Variants in NR4A3 observed in about 807,000 individuals in gnomAD.
NR4A3 encodes chondrosarcoma, extraskeletal myxoid, fused to EWS.
In NR4A3, 13 loss-of-function variants were observed where a neutral mutation model predicts 55.6. That is an observed-to-expected ratio of 0.23 (90% CI 0.15 to 0.37). The LOEUF (loss-of-function observed/expected upper bound fraction) is 0.37, where lower values mean the gene tolerates loss of function less well. Ranked by LOEUF, NR4A3 falls within the 10% of genes least tolerant of loss-of-function variation. NR4A3 has a pLI of 1.00. For missense variants in NR4A3, 646 were observed against 822.8 expected (o/e 0.79, Z 2.63); for synonymous variants, 342 against 357.9 (o/e 0.96, Z 0.50).
At chr9:99,841,176 A>G (rs180810243) in intron 5 of NR4A3, among the ~76,000 whole-genome samples, 3 of 150,762 alleles carry the variant, frequency 2.0e-5, no homozygotes, top group Admixed American at 6.6e-5. Context: ...GGTTGCAGTG[A>G]GCCAAAATCA....
At chr9:99,849,409 C>G (rs1328687119) in intron 7 of NR4A3, among the ~76,000 whole-genome samples, 1 of 151,436 alleles carries the variant, frequency 6.6e-6, no homozygotes, top group African/African-American at 2.4e-5. Flanking sequence ...ATTAACGAAA[C>G]AAAAACCAAG....
Position 99,862,977 on chromosome 9 carries a change from G to T in NR4A3, c.1634-643G>T, listed in dbSNP as rs536424567. 3.3e-5 allele frequency among the ~76,000 whole-genome samples: 5 copies of T among 151,696 alleles called. No individual in the cohort carries two copies. In the South Asian group the frequency reaches 6.2e-4, roughly 19 times the overall value. On this transcript the variant is annotated intron_variant, in intron 7 of 7. Coordinates refer to ENST00000395097, the MANE Select transcript of NR4A3 (RefSeq NM_006981.4). ...GTGTAGGTCAACAGGGGTTTCAAGT[G>T]GGGGGGAACAAAACAAGGAAAAGAA...
At chr9:99,834,076 C>T in intron 5 of NR4A3, 1 of 1,020,386 alleles carries the variant, frequency 9.8e-7, no homozygotes, top group Non-Finnish European at 1.2e-6. Flanking sequence ...TTCTGAACAC[C>T]AGTCACACAA....
At position 99,833,515 on chromosome 9, in the gene NR4A3, G is replaced by A. The variant is rs1227172402; in HGVS notation, c.1254+61G>A. 3 of 1,613,670 alleles carry A rather than the reference G, an allele frequency of 1.9e-6. No homozygotes were observed. The African/African-American group carries it at 4.0e-5, about 22-fold the overall frequency. On this transcript the variant is annotated intron_variant, in intron 5 of 7. Transcript: ENST00000395097. ...TCAGGGTCTCTATTTATGGCTACTA[G>A]TAATAAGAGTTGATTGAATGATTTT...
intron 3 of NR4A3, among the ~76,000 whole-genome samples, chr9:99,830,980 A>G (rs964296948): frequency 1.7e-4 from 26 of 152,138 alleles, no homozygotes; most frequent in African/African-American, 5.8e-4. Context: ...TGGGGGCAAG[A>G]TGGGGGAGAA....
intron 5 of NR4A3, among the ~76,000 whole-genome samples, chr9:99,843,785 A>T (rs1157901501): frequency 1.3e-5 from 2 of 149,006 alleles, no homozygotes. Context: ...ACAGAGTGCC[A>T]CTCTGGCACC....
At chr9:99,823,862 C>G (rs1390712480) in intron 1 of NR4A3, among the ~76,000 whole-genome samples, 1 of 151,672 alleles carries the variant, frequency 6.6e-6, no homozygotes, top group Non-Finnish European at 1.5e-5. Context: ...CTGTCAGTCT[C>G]TCCCTCGCTC....
chr9:99,833,210 T>G, intron 4 of NR4A3, 72 bp from the exon 5 acceptor site: 1 of 1,518,572 alleles, frequency 6.6e-7, no homozygotes, highest in Non-Finnish European at 8.8e-7. Flanking sequence ...GTGTTTTTAT[T>G]CCTTTTTGCG....
At chr9:99,836,999 A>G (rs1827569882) in intron 5 of NR4A3, among the ~76,000 whole-genome samples, 1 of 151,964 alleles carries the variant, frequency 6.6e-6, no homozygotes, top group Non-Finnish European at 1.5e-5. Context: ...GGCTATTTCT[A>G]TGTCTTGTTT....
At chr9:99,863,563 A>T in intron 7 of NR4A3, 57 bp from the exon 8 acceptor site, 1 of 1,553,332 alleles carries the variant, frequency 6.4e-7, no homozygotes, top group Non-Finnish European at 8.7e-7. Flanking sequence ...AGGGATTCAA[A>T]GTGTCTTAAG....
Position 99,828,429 on chromosome 9 carries a change from C to T in NR4A3, c.387C>T (p.Pro129=). 6.3e-7 allele frequency: 1 copy of T among 1,584,296 alleles called. No individual in the cohort carries two copies. The highest frequency in any genetic ancestry group is 8.6e-7 in the Non-Finnish European group (1 of 1,165,070). The stretch of plus-strand genomic sequence containing the variant: ...CCAGCCCGGAGGACGAGGTGCTGCC[C>T]AGCACCTCCATGTACTTCAAGCAGT... ...PASSPEDEVL[P]STSMYFKQSP... The change falls in exon 3 of 8, where the codon CCC becomes CCT. Residue 129 remains proline, a synonymous_variant. Coordinates refer to ENST00000395097, the MANE Select transcript of NR4A3 (RefSeq NM_006981.4). This position sits in a 1 kb window ranked among gnomAD's most constrained non-coding sequence, Gnocchi z 7.7.
chr9:99,850,552 C>A (rs1470294225), intron 7 of NR4A3, among the ~76,000 whole-genome samples: 1 of 152,156 alleles, frequency 6.6e-6, no homozygotes, highest in Non-Finnish European at 1.5e-5. Context: ...AGCTGCTCAG[C>A]CCGCTGCCCA....
In NR4A3 at chr9:99,863,947, A is replaced by G; in HGVS notation, c.*80A>G. On this transcript the variant is annotated 3_prime_UTR_variant, in exon 8 of 8. Coordinates refer to ENST00000395097, the MANE Select transcript of NR4A3 (RefSeq NM_006981.4). ...AGCAAAGGGATAGGTTTGGAAACCT[A>G]TCATTTCCTGTCCTTCCTTAAGAGG... The G allele has an allele frequency of 1.4e-6, 2 of 1,467,836 alleles. No individual in the cohort carries two copies. The highest frequency in any genetic ancestry group is 1.3e-5 in the South Asian group (1 of 74,870). 90.9% of individuals were successfully genotyped at this position (1,467,836 alleles called of 1,614,324 possible).
chr9:99,844,574 A>C, intron 5 of NR4A3, 75 bp from the exon 6 acceptor site: 1 of 1,204,372 alleles, frequency 8.3e-7, no homozygotes. Flanking sequence ...ATGGTCTTGG[A>C]AGGGCCTGTT....
intron 7 of NR4A3, among the ~76,000 whole-genome samples, chr9:99,849,681 G>A (rs1025316114): frequency 5.9e-5 from 9 of 152,212 alleles, no homozygotes; most frequent in African/African-American, 2.2e-4. Flanking sequence ...ACTAGATCCA[G>A]CTTTGGATTC....
At chr9:99,859,341 A>C (rs979901975) in intron 7 of NR4A3, among the ~76,000 whole-genome samples, 1 of 152,180 alleles carries the variant, frequency 6.6e-6, no homozygotes, top group African/African-American at 2.4e-5. Context: ...AATGTCAGTG[A>C]TTAGGTTTTA....
chr9:99,841,685 C>T (rs1827652347), intron 5 of NR4A3, among the ~76,000 whole-genome samples: 1 of 152,164 alleles, frequency 6.6e-6, no homozygotes, highest in Non-Finnish European at 1.5e-5. Context: ...GAGGTCCAGC[C>T]AGGTGGATCG....
chr9:99,858,851 G>A (rs761354807), intron 7 of NR4A3, among the ~76,000 whole-genome samples: 6 of 152,158 alleles, frequency 3.9e-5, no homozygotes, highest in East Asian at 1.9e-4. Context: ...GTAAAAGAGT[G>A]TTGTATAAAG....
chr9:99,865,697 A>G lies in NR4A3; in HGVS notation c.*1830A>G, dbSNP rs1026345537. The G allele has an allele frequency of 2.5e-5, 5 of 202,496 alleles. No individual in the cohort carries two copies. The highest frequency in any genetic ancestry group is 1.9e-4 in the South Asian group (1 of 5,268). 12.5% of individuals were successfully genotyped at this position (202,496 alleles called of 1,614,324 possible). On this transcript the variant is annotated 3_prime_UTR_variant, in exon 8 of 8. Coordinates refer to ENST00000395097, the MANE Select transcript of NR4A3 (RefSeq NM_006981.4). The surrounding 1 kb of genome is among the most constrained non-coding windows in gnomAD (Gnocchi z 4.3). Reference sequence around the variant, plus strand: ...GTTTATATTGTCATTAAATTATACAATCAAACAAATGCCAAATGAATTGCC... The same window carrying G: ...GTTTATATTGTCATTAAATTATACAGTCAAACAAATGCCAAATGAATTGCC...
Sources: allele counts gnomAD v4.1 joint callset (sites outside exome capture counted in the v4.1 genomes callset), GRCh38; gene constraint gnomAD v4.1.1; non-coding constraint Gnocchi (gnomAD v3.1); transcripts MANE v1.5; gene names NCBI Gene and HGNC (gene_info 2026-07-23, HGNC 2026-07-21).